Variants in WWTR1 observed in about 807,000 individuals in gnomAD.
The protein encoded by WWTR1 is WW domain containing transcription regulator 1, also known as WW domain-containing transcription regulator protein 1.
A neutral mutation model predicts 40.1 loss-of-function variants in WWTR1; 13 were observed. That is an observed-to-expected ratio of 0.32 (90% CI 0.21 to 0.52). The LOEUF (loss-of-function observed/expected upper bound fraction) is 0.52. Among genes scored for constraint, WWTR1 ranks in the 20% least tolerant of loss-of-function variants. The pLI, the probability that WWTR1 is intolerant of heterozygous loss-of-function variation, is 0.97. For synonymous variants in WWTR1, 230 were observed against 210.1 expected (o/e 1.09, Z -0.82); for missense variants, 436 against 523.1 (o/e 0.83, Z 1.63).
At chr3:149,640,379 T>C (rs1313118241) in intron 2 of WWTR1, among the ~76,000 whole-genome samples, 2 of 152,218 alleles carry the variant, frequency 1.3e-5, no homozygotes, top group Non-Finnish European at 2.9e-5. Flanking sequence ...CATAAACCAA[T>C]GCTTTTGTCT....
chr3:149,627,408 A>T (rs1740615987), intron 2 of WWTR1, among the ~76,000 whole-genome samples: 1 of 152,122 alleles, frequency 6.6e-6, no homozygotes, highest in Non-Finnish European at 1.5e-5. Flanking sequence ...AGGAACACGA[A>T]ATTTTGATGG....
At chr3:149,583,700 A>G (rs1338990405) in intron 2 of WWTR1, among the ~76,000 whole-genome samples, 2 of 152,198 alleles carry the variant, frequency 1.3e-5, no homozygotes, top group African/African-American at 2.4e-5. Context: ...CCAAATATGT[A>G]TGTCGGGATT....
intron 4 of WWTR1, among the ~76,000 whole-genome samples, chr3:149,529,852 A>G (rs7616772): frequency 0.72 from 109,332 of 152,010 alleles, 39,454 homozygotes; most frequent in South Asian, 0.81. Flanking sequence ...AATTTCTAAT[A>G]CTTTATTAAC....
chr3:149,539,415 A>AGAC (rs1263356732), intron 4 of WWTR1, among the ~76,000 whole-genome samples: 9 of 152,152 alleles, frequency 5.9e-5, no homozygotes, highest in African/African-American at 1.9e-4. Context: ...CCTTGCTCCC[A>AGAC]GACAGGCTCA....
At chr3:149,710,842 G>A (rs1715461822) in intron 5 of WWTR1, among the ~76,000 whole-genome samples, 1 of 151,782 alleles carries the variant, frequency 6.6e-6, no homozygotes, top group South Asian at 2.1e-4. Context: ...GCCTCCCAAC[G>A]TGCTGGGATT....
intron 5 of WWTR1, among the ~76,000 whole-genome samples, chr3:149,527,044 C>T (rs1297683606): frequency 1.3e-5 from 2 of 152,178 alleles, no homozygotes; most frequent in African/African-American, 4.8e-5. Flanking sequence ...TAACATCTTA[C>T]ATAACCATAG....
chr3:149,594,950 CTTTTTTTTTTTTTTTTTT>C (rs563658190), intron 2 of WWTR1, among the ~76,000 whole-genome samples: 1,317 of 61,860 alleles, frequency 0.021, 43 homozygotes, highest in African/African-American at 0.067. Flanking sequence ...CTCTTTTTTA[CTTTTTTTTTTTTTTTTTT>C]TTTTTTTTTT....
intron 5 of WWTR1, among the ~76,000 whole-genome samples, chr3:149,716,721 C>T (rs757759804): frequency 6.6e-6 from 1 of 152,024 alleles, no homozygotes; most frequent in Non-Finnish European, 1.5e-5. Flanking sequence ...TCTTAATACT[C>T]ATATTATTTC....
At chr3:149,533,104 C>G (rs151227026) in intron 4 of WWTR1, among the ~76,000 whole-genome samples, 100 of 152,334 alleles carry the variant, frequency 6.6e-4, no homozygotes, top group African/African-American at 2.4e-3. Context: ...CATGTATATT[C>G]ACAGATCCCT....
Position 149,644,904 on chromosome 3 carries a change from A to G in WWTR1, c.431+11972T>C, listed in dbSNP as rs561957203. ...GTCTTGCTCTGTGGCCCAGCCTGGA[A>G]TGCAGTGGCCTGATCTCAGCTCACT... On this transcript the variant is annotated intron_variant, in intron 2 of 6. Coordinates refer to ENST00000360632, the MANE Select transcript of WWTR1 (RefSeq NM_015472.6). 1.4e-4 allele frequency among the ~76,000 whole-genome samples: 22 copies of G among 151,954 alleles called. No individual in the cohort carries two copies. The East Asian group carries it at 4.3e-3, about 29-fold the overall frequency.
At chr3:149,615,879 A>G (rs1372857531) in intron 2 of WWTR1, among the ~76,000 whole-genome samples, 1 of 152,174 alleles carries the variant, frequency 6.6e-6, no homozygotes, top group Non-Finnish European at 1.5e-5. Flanking sequence ...TGTCTGTTTC[A>G]TTGTCACTTG....
chr3:149,591,866 T>A (rs1738740725), intron 2 of WWTR1, among the ~76,000 whole-genome samples: 1 of 151,908 alleles, frequency 6.6e-6, no homozygotes, highest in Non-Finnish European at 1.5e-5. Flanking sequence ...TATCATATGT[T>A]GCCAAATGTG....
rs752060235 is a variant in WWTR1 at position 149,573,011 on chromosome 3, GA to G, written c.432-12del. The G allele has an allele frequency of 6.3e-7, 1 of 1,581,606 alleles. No individual in the cohort carries two copies. The highest frequency in any genetic ancestry group is 8.5e-7 in the Non-Finnish European group (1 of 1,170,082). ...ATTTTTTCTATGTGACTAAAAGAAG[GA>G]AAACAATTAATTATCTTTTTAATTG... On this transcript the variant is annotated splice_polypyrimidine_tract_variant and intron_variant, in intron 2 of 6. Transcript: ENST00000360632.
chr3:149,575,062 C>G (rs1366018804), intron 2 of WWTR1, among the ~76,000 whole-genome samples: 1 of 151,920 alleles, frequency 6.6e-6, no homozygotes, highest in Non-Finnish European at 1.5e-5. Flanking sequence ...CCACTGCACT[C>G]CAGCCTAGGC....
At chr3:149,696,878 A>C (rs1001450033) in intron 1 of WWTR1, among the ~76,000 whole-genome samples, 2 of 152,170 alleles carry the variant, frequency 1.3e-5, no homozygotes, top group Non-Finnish European at 2.9e-5. Flanking sequence ...GCACACTCCC[A>C]CAACAGTTCC....
intron 2 of WWTR1, among the ~76,000 whole-genome samples, chr3:149,599,602 T>G (rs1376026592): frequency 6.6e-6 from 1 of 152,236 alleles, no homozygotes; most frequent in Admixed American, 6.5e-5. Flanking sequence ...AGTCTCAAAC[T>G]ACTTAAATGG....
intron 2 of WWTR1, among the ~76,000 whole-genome samples, chr3:149,637,562 T>C (rs971670607): frequency 6.6e-6 from 1 of 152,108 alleles, no homozygotes; most frequent in African/African-American, 2.4e-5. Context: ...TCTCAATAAA[T>C]ATTCCCTAGT....
chr3:149,712,838 A>G (rs1179680011), intron 5 of WWTR1, among the ~76,000 whole-genome samples: 2 of 152,230 alleles, frequency 1.3e-5, no homozygotes, highest in Non-Finnish European at 2.9e-5. Context: ...TCAGGACAAT[A>G]TAAATGATAT....
chr3:149,715,432 C>T (rs1292183664), intron 5 of WWTR1, among the ~76,000 whole-genome samples: 2 of 152,236 alleles, frequency 1.3e-5, no homozygotes, highest in East Asian at 3.8e-4. Context: ...CGCTGGCACC[C>T]GTGCCAGCAC....
Sources: gnomAD v4.1 joint callset for allele counts (sites outside exome capture counted in the v4.1 genomes callset) on GRCh38, gnomAD v4.1.1 for gene constraint, MANE v1.5 for transcripts, NCBI Gene and HGNC (gene_info 2026-07-23, HGNC 2026-07-21) for gene names.